The following GOLGB1 variants were observed in gnomAD, a reference collection of about 807,000 sequenced individuals.
The protein encoded by GOLGB1 is golgin subfamily B member 1.
A neutral mutation model predicts 336.9 loss-of-function variants in GOLGB1; 174 were observed. That is an observed-to-expected ratio of 0.52 (90% CI 0.46 to 0.59). The LOEUF is 0.59. Ranked by LOEUF, GOLGB1 falls within the 20% of genes least tolerant of loss-of-function variation. The pLI is 0.00. For missense variants in GOLGB1, 3,331 were observed against 3,645.3 expected (o/e 0.91, Z 2.22); for synonymous variants, 1,208 against 1,289.2 (o/e 0.94, Z 1.35).
intron 17 of GOLGB1, among the ~76,000 whole-genome samples, chr3:121,670,124 A>G (rs1442775342): frequency 6.6e-6 from 1 of 152,236 alleles, no homozygotes; most frequent in African/African-American, 2.4e-5. Context: ...TACCTATTGT[A>G]GCTTCTACCC....
chr3:121,670,479 C>T (rs576551647), intron 17 of GOLGB1, among the ~76,000 whole-genome samples: 12 of 152,272 alleles, frequency 7.9e-5, no homozygotes, highest in African/African-American at 2.9e-4. Context: ...TGTAAAAGTG[C>T]TCTGTTAGCT....
At chr3:121,730,826 G>T in intron 2 of GOLGB1, 50 bp downstream of exon 2, 1 of 1,546,632 alleles carries the variant, frequency 6.5e-7, no homozygotes, top group Non-Finnish European at 8.7e-7. Flanking sequence ...TTCCTTAGAA[G>T]AACACAGAAC....
intron 1 of GOLGB1, among the ~76,000 whole-genome samples, chr3:121,744,471 T>C (rs62268782): frequency 6.7e-6 from 1 of 148,432 alleles, no homozygotes; most frequent in Non-Finnish European, 1.5e-5. Context: ...AAAATTTAAT[T>C]AGCTGGGCAT....
chr3:121,692,456 T>G lies in GOLGB1; in HGVS notation c.6908A>C (p.His2303Pro). 1 of 1,614,020 alleles carries G rather than the reference T, an allele frequency of 6.2e-7. No individual in the cohort carries two copies. Among genetic ancestry groups the G allele is most frequent in the Non-Finnish European group, 8.5e-7 (1 of 1,179,898 alleles). ...TTCATTCTGAGAACTGTGGTATAGG[T>G]GGCGTGTCTCTTCTAGCTGGGACAA... ...ELLSQLEETR[H>P]LYHSSQNELA... Residue 2303 changes from histidine (H) to proline (P), a missense_variant, in exon 14 of 22, where the codon CAC (histidine) becomes CCC (proline). Coordinates refer to ENST00000614479, the MANE Select transcript of GOLGB1 (RefSeq NM_001366282.2).
chr3:121,701,169 A>C (rs1336495101), intron 11 of GOLGB1, among the ~76,000 whole-genome samples: 2 of 152,182 alleles, frequency 1.3e-5, no homozygotes, highest in African/African-American at 2.4e-5. Flanking sequence ...GAGGCCAGAC[A>C]CAAAAACCAA....
chr3:121,709,727 C>A (rs978501505), intron 10 of GOLGB1, among the ~76,000 whole-genome samples: 2 of 152,054 alleles, frequency 1.3e-5, no homozygotes, highest in South Asian at 4.1e-4. Flanking sequence ...GACTTGAAAT[C>A]TTTGATACAA....
intron 1 of GOLGB1, among the ~76,000 whole-genome samples, chr3:121,744,934 A>G (rs138184087): frequency 8.4e-4 from 128 of 152,330 alleles, no homozygotes; most frequent in South Asian, 5.0e-3. Flanking sequence ...AAGCTGCATC[A>G]TAGTGAGTAA....
At chr3:121,673,445 T>C (rs1355575913) in intron 17 of GOLGB1, among the ~76,000 whole-genome samples, 1 of 152,192 alleles carries the variant, frequency 6.6e-6, no homozygotes, top group Non-Finnish European at 1.5e-5. Flanking sequence ...AAATTTTTTT[T>C]CCCATTTTTG....
intron 10 of GOLGB1, 38 bp from the exon 11 acceptor site, chr3:121,702,633 G>T: frequency 9.4e-7 from 1 of 1,064,338 alleles, no homozygotes; most frequent in Non-Finnish European, 1.3e-6. Context: ...TGATTCTCCA[G>T]CAGAAAATTC....
intron 7 of GOLGB1, 94 bp from the exon 8 acceptor site, chr3:121,718,595 T>C: frequency 1.1e-6 from 1 of 890,722 alleles, no homozygotes; most frequent in Non-Finnish European, 1.8e-6. Context: ...TATACTTAAA[T>C]TTTGGGGTGT....
Position 121,695,014 on chromosome 3 carries a change from G to T in GOLGB1, c.5509C>A (p.His1837Asn). 1 of 1,613,238 alleles carries T rather than the reference G, an allele frequency of 6.2e-7. No homozygotes were observed. The highest frequency in any genetic ancestry group is 8.5e-7 in the Non-Finnish European group (1 of 1,179,266). Residue 1837 changes from histidine to asparagine, a missense_variant, in exon 13 of 22, where the codon CAT becomes AAT. Physicochemically the swap from His to Asn is moderately conservative, Grantham distance 68 (BLOSUM62 1). Coordinates refer to ENST00000614479, the MANE Select transcript of GOLGB1 (RefSeq NM_001366282.2). ...TGTAGGTAGTTATTAATTTCATCAT[G>T]TGAGCTGAAATCCTTACTTACAGCA... ...NPAVSKDFSS[H>N]DEINNYLQQI...
chr3:121,677,102 C>A lies in GOLGB1; in HGVS notation c.9040-72G>T, dbSNP rs1029480200. The A allele has an allele frequency of 3.2e-6, 5 of 1,570,416 alleles. 1 individual carries two copies. The Admixed American group carries it at 6.8e-5, about 21-fold the overall frequency. On this transcript the variant is annotated intron_variant, in intron 16 of 21. Transcript: ENST00000614479. ...TGCTTAATTCCTTCCCTCTAGAAAT[C>A]CTGTCCGCCCCATAGAAGTCATAAG... is the stretch of plus-strand genomic sequence containing the variant.
At chr3:121,683,901 G>A (rs1941396228) in intron 14 of GOLGB1, among the ~76,000 whole-genome samples, 1 of 151,908 alleles carries the variant, frequency 6.6e-6, no homozygotes, top group Non-Finnish European at 1.5e-5. Context: ...GGGCCGAGGT[G>A]GGCAGATCAC....
chr3:121,674,785 T>C (rs528300811), intron 17 of GOLGB1, among the ~76,000 whole-genome samples: 5 of 152,220 alleles, frequency 3.3e-5, no homozygotes, highest in African/African-American at 9.6e-5. Flanking sequence ...TAATAGTTAT[T>C]GTTTTAATGA....
At chr3:121,683,100 G>T (rs1459223369) in intron 14 of GOLGB1, among the ~76,000 whole-genome samples, 2 of 106,762 alleles carry the variant, frequency 1.9e-5, no homozygotes, top group African/African-American at 7.1e-5. Context: ...CGGAGTCTCA[G>T]TATGTTGCCC....
At chr3:121,677,081 T>G (rs1940495253) in intron 16 of GOLGB1, 51 bp from the exon 17 acceptor site, 3 of 1,606,096 alleles carry the variant, frequency 1.9e-6, no homozygotes, top group Non-Finnish European at 2.6e-6. Context: ...TGCGCATGCT[T>G]AATTCCTTCC....
intron 10 of GOLGB1, among the ~76,000 whole-genome samples, chr3:121,710,186 A>ACTC (rs1944230452): frequency 2.6e-5 from 4 of 151,924 alleles, no homozygotes; most frequent in Non-Finnish European, 4.4e-5. Context: ...AAAACTCCAG[A>ACTC]CTCAGATGGT....
Position 121,729,311 on chromosome 3 carries a change from A to G in GOLGB1, c.279T>C (p.Ile93=). 1 of 1,612,758 alleles carries G rather than the reference A, an allele frequency of 6.2e-7. No individual in the cohort carries two copies. The highest frequency in any genetic ancestry group is 8.5e-7 in the Non-Finnish European group (1 of 1,179,126). ...QEERKAADNK[I]KKLKLHAKAK... The stretch of plus-strand genomic sequence containing the variant: ...CCTTCGCATGAAGTTTTAGTTTTTT[A>G]ATTTTGTTATCAGCAGCTTTTCTCT... The change falls in exon 4 of 22, where the codon ATT becomes ATC. Residue 93 remains isoleucine (I), a synonymous_variant. Transcript: ENST00000614479.
chr3:121,698,072 A>C lies in GOLGB1; in HGVS notation c.2451T>G (p.Ile817Met). 1 of 1,614,002 alleles carries C rather than the reference A, an allele frequency of 6.2e-7. No individual in the cohort carries two copies. The highest frequency in any genetic ancestry group is 8.5e-7 in the Non-Finnish European group (1 of 1,179,956). Residue 817 changes from isoleucine to methionine, a missense_variant, in exon 13 of 22, where the codon ATT (isoleucine) becomes ATG (methionine). By Grantham distance (10) the Ile-to-Met change is conservative. Coordinates refer to ENST00000614479, the MANE Select transcript of GOLGB1 (RefSeq NM_001366282.2). ...SIEAKSKDVK[I>M]EVLQNELDDV... The stretch of plus-strand genomic sequence containing the variant: ...CATCCAGTTCATTCTGTAAAACTTC[A>C]ATTTTCACATCTTTAGATTTGGCTT...
Sources: gnomAD v4.1 joint callset for allele counts (sites outside exome capture counted in the v4.1 genomes callset) on GRCh38, gnomAD v4.1.1 for gene constraint, MANE v1.5 for transcripts, NCBI Gene and HGNC (gene_info 2026-07-23, HGNC 2026-07-21) for gene names.